Variants in REC8 observed in about 807,000 individuals in gnomAD.
REC8 encodes the protein REC8 meiotic recombination protein, also known as meiotic recombination protein REC8 homolog.
In REC8, 42 loss-of-function variants were observed where a neutral mutation model predicts 78.3. That is an observed-to-expected ratio of 0.54 (90% CI 0.42 to 0.69). The LOEUF (loss-of-function observed/expected upper bound fraction) is 0.69. Ranked by LOEUF, REC8 falls within the 30% of genes least tolerant of loss-of-function variation. The probability of loss-of-function intolerance (pLI) is 0.00; values close to 1 mark genes in which losing one functional copy is unlikely to be tolerated. For missense variants in REC8, 581 were observed against 715.8 expected (o/e 0.81, Z 2.15); for synonymous variants, 268 against 274.1 (o/e 0.98, Z 0.22).
Position 24,178,641 on chromosome 14 carries a change from C to T in REC8, c.1032C>T (p.Gly344=). ...AGCCGCCCGAGAGGACCATCAGAGG[C>T]CCTGCGGAGTTGTTCAGAACCCCAA... ...MVQPPERTIR[G]PAELFRTPTL... is the part of the protein sequence containing the mutation. The change falls in exon 13 of 19, where the codon GGC becomes GGT. Residue 344 remains glycine (G), a synonymous_variant. Transcript: ENST00000611366. The T allele has an allele frequency of 1.2e-6, 2 of 1,614,076 alleles. No homozygotes were observed. The highest frequency in any genetic ancestry group is 1.7e-6 in the Non-Finnish European group (2 of 1,179,998).
intron 5 of REC8, chr14:24,175,264 C>T (rs1351269216): frequency 1.1e-5 from 3 of 272,484 alleles, no homozygotes; most frequent in South Asian, 5.4e-5. Context: ...CCTCAGCCTC[C>T]CAAAGTGCTG....
In REC8 at chr14:24,179,582, C is replaced by T. The variant is rs374156278; in HGVS notation, c.1320-13C>T. On this transcript the variant is annotated splice_polypyrimidine_tract_variant and intron_variant, in intron 16 of 18. Coordinates refer to ENST00000611366, the MANE Select transcript of REC8 (RefSeq NM_001048205.2). The stretch of plus-strand genomic sequence containing the variant: ...ACAGCTGCCACCTTCCCTACTCTCT[C>T]ATGTCCTCCTAGGGCCTGGCCTGAG... The T allele has an allele frequency of 4.3e-6, 7 of 1,614,184 alleles. No homozygotes were observed. The highest frequency in any genetic ancestry group is 5.9e-6 in the Non-Finnish European group (7 of 1,180,030).
chr14:24,178,455 C>T (rs895916783), intron 12 of REC8, 151 bp from the exon 13 acceptor site: 4 of 890,366 alleles, frequency 4.5e-6, no homozygotes, highest in African/African-American at 1.7e-5. Context: ...TTAAAAAGTC[C>T]TTCTTTTAGC....
chr14:24,175,911 C>G lies in REC8; in HGVS notation c.544+287C>G, dbSNP rs185407776. Reference sequence around the variant, plus strand: ...AGAGATGGGGTTTCACCATGTTGGCCAGGCTGGTCTCAAACTCCTGACCTC... The same window carrying G: ...AGAGATGGGGTTTCACCATGTTGGCGAGGCTGGTCTCAAACTCCTGACCTC... On this transcript the variant is annotated intron_variant, in intron 6 of 18. Coordinates refer to ENST00000611366, the MANE Select transcript of REC8 (RefSeq NM_001048205.2). 6.6e-5 allele frequency among the ~76,000 whole-genome samples: 10 copies of G among 152,014 alleles called. No homozygotes were observed. In the East Asian group the frequency reaches 1.9e-3, roughly 29 times the overall value.
intron 11 of REC8, 138 bp downstream of exon 11, chr14:24,177,896 C>T (rs2138791271): frequency 6.8e-7 from 1 of 1,475,242 alleles, no homozygotes; most frequent in South Asian, 1.4e-5. Flanking sequence ...TTCTACGCCC[C>T]ATCGTATCTG....
chr14:24,178,753 T>C (rs757214396), intron 13 of REC8, 24 bp from the exon 14 acceptor site: 2 of 1,609,258 alleles, frequency 1.2e-6, no homozygotes, highest in South Asian at 1.1e-5. Flanking sequence ...TCAAACCCCG[T>C]GCCTACTACC....
chr14:24,173,375 G>A lies in REC8; in HGVS notation c.426G>A (p.Val142=), dbSNP rs1023671142. Residue 142 remains valine (V), a synonymous_variant, in exon 5 of 19, where the codon GTG becomes GTA. Transcript: ENST00000611366. ...ATCCCTTTTTTGGGATGATGTCTGT[G>A]GATCCCAGACTTCCTAGTCCTTTCG... ...APDPFFGMMS[V]DPRLPSPFDI... is the part of the protein sequence containing the mutation. 3 of 1,614,054 alleles carry A rather than the reference G, an allele frequency of 1.9e-6. No homozygotes were observed. Among genetic ancestry groups the A allele is most frequent in the African/African-American group, 2.7e-5 (2 of 74,916 alleles).
Position 24,172,913 on chromosome 14 carries a change from A to G in REC8, c.140A>G (p.Asn47Ser), listed in dbSNP as rs773083264. Residue 47 changes from asparagine (N) to serine (S), a missense_variant, in exon 3 of 19, where the codon AAT (asparagine) becomes AGT (serine). By Grantham distance (46) the Asn-to-Ser change is conservative. Coordinates refer to ENST00000611366, the MANE Select transcript of REC8 (RefSeq NM_001048205.2). ...NVVKTCEEIL[N>S]YVLVRVQPPQ... Reference sequence around the variant, plus strand: ...TTGTTCCCCAGCGAGGAAATCCTCAATTACGTGCTGGTACGAGTGCAACCC... The same window carrying G: ...TTGTTCCCCAGCGAGGAAATCCTCAGTTACGTGCTGGTACGAGTGCAACCC... The G allele has an allele frequency of 1.9e-5, 30 of 1,612,478 alleles. No homozygotes were observed. Among genetic ancestry groups the G allele is most frequent in the Non-Finnish European group, 2.5e-5 (29 of 1,180,032 alleles).
Position 24,179,466 on chromosome 14 carries a change from A to G in REC8, c.1319+3A>G, listed in dbSNP as rs1295154136. The stretch of plus-strand genomic sequence containing the variant: ...CTCATCCCACCAGAAGAACGGTGGT[A>G]AGCGGCCAGGCTCCGTGGGAGCCAG... On this transcript the variant is annotated splice_donor_region_variant and intron_variant, in intron 16 of 18. Transcript: ENST00000611366. 1 of 1,614,146 alleles carries G rather than the reference A, an allele frequency of 6.2e-7. No homozygotes were observed. Among genetic ancestry groups the G allele is most frequent in the Non-Finnish European group, 8.5e-7 (1 of 1,180,018 alleles).
At chr14:24,175,029 CAG>C (rs2038828899) in intron 5 of REC8, among the ~76,000 whole-genome samples, 1 of 141,230 alleles carries the variant, frequency 7.1e-6, no homozygotes, top group East Asian at 2.1e-4. Context: ...TTTTTTGAGA[CAG>C]AGTCTTGCTC....
chr14:24,177,055 G>T (rs1594418441), intron 7 of REC8, 86 bp from the exon 8 acceptor site: 3 of 1,420,838 alleles, frequency 2.1e-6, no homozygotes, highest in South Asian at 1.2e-5. Context: ...CCTGTGGCAT[G>T]CCTCTGGGAT....
chr14:24,178,144 G>C lies in REC8; in HGVS notation c.918G>C (p.Leu306=). ...GCCGCCGCCGTCGTCGCCGGTTACTGTTCTGGGACAAGGAGACTCAGATCT... is the reference window on the plus strand; with the variant it reads ...GCCGCCGCCGTCGTCGCCGGTTACTCTTCTGGGACAAGGAGACTCAGATCT... ...PPRRRRRRRL[L]FWDKETQISP... is the part of the protein sequence containing the mutation. The change falls in exon 12 of 19, where the codon CTG becomes CTC. Residue 306 remains leucine (L), a synonymous_variant. Transcript: ENST00000611366. The C allele has an allele frequency of 6.2e-7, 1 of 1,614,068 alleles. No homozygotes were observed. The highest frequency in any genetic ancestry group is 8.5e-7 in the Non-Finnish European group (1 of 1,179,960).
rs140077849 is a variant in REC8 at position 24,177,778 on chromosome 14, ATCC to A, written c.864+35_864+37del. On this transcript the variant is annotated intron_variant, in intron 11 of 18. Transcript: ENST00000611366. ...CCAGAGGTGAGTAGCCTCCCTTCTA[ATCC>A]TCCTCCTCCTCCTCTTTGCCCTCCC... 6.5e-3 allele frequency: 10,218 copies of A among 1,562,114 alleles called. 42 individuals are homozygous for A. The highest frequency in any genetic ancestry group is 7.6e-3 in the Non-Finnish European group (8,734 of 1,150,346).
chr14:24,173,284 C>T lies in REC8; in HGVS notation c.342-7C>T, dbSNP rs1307342529. On this transcript the variant is annotated splice_polypyrimidine_tract_variant and splice_region_variant and intron_variant, in intron 4 of 18. Transcript: ENST00000611366. Reference sequence around the variant, plus strand: ...CTCAGTCCTTCACGGCCTACATTCTCTCCCAGACCCAGCCTGCTGCTTCCT... The same window carrying T: ...CTCAGTCCTTCACGGCCTACATTCTTTCCCAGACCCAGCCTGCTGCTTCCT... The T allele has an allele frequency of 6.2e-7, 1 of 1,614,110 alleles. No individual in the cohort carries two copies. The highest frequency in any genetic ancestry group is 1.3e-5 in the African/African-American group (1 of 74,950).
intron 18 of REC8, 42 bp from the exon 19 acceptor site, chr14:24,179,968 C>T: frequency 6.2e-7 from 1 of 1,614,140 alleles, no homozygotes; most frequent in Non-Finnish European, 8.5e-7. Context: ...GAGGCCCGTA[C>T]AGGGACTCCC....
In REC8 at chr14:24,177,147, C is replaced by G. The variant is rs369656552; in HGVS notation, c.631C>G (p.Arg211Gly). 2 of 1,613,678 alleles carry G rather than the reference C, an allele frequency of 1.2e-6. No individual in the cohort carries two copies. The highest frequency in any genetic ancestry group is 8.5e-7 in the Non-Finnish European group (1 of 1,179,774). Residue 211 changes from arginine (R) to glycine (G), a missense_variant, in exon 8 of 19, where the codon CGG (arginine) becomes GGG (glycine). Transcript: ENST00000611366. ...GCTCTTCCTCTCTGGACAGGGTGAACGGGAGCTCCCAGAGGTCAGCCGCCG... is the reference window on the plus strand; with the variant it reads ...GCTCTTCCTCTCTGGACAGGGTGAAGGGGAGCTCCCAGAGGTCAGCCGCCG... ...PIRMLEIEGE[R>G]ELPEVSRREL...
At chr14:24,177,792 C>T (rs2038967853) in intron 11 of REC8, 34 bp downstream of exon 11, 1 of 1,533,556 alleles carries the variant, frequency 6.5e-7, no homozygotes, top group Non-Finnish European at 8.8e-7. Flanking sequence ...TCCTCCTCCT[C>T]CTCTTTGCCC....
At chr14:24,179,199 C>T (rs2039049506) in intron 15 of REC8, 66 bp downstream of exon 15, 2 of 1,399,040 alleles carry the variant, frequency 1.4e-6, no homozygotes, top group African/African-American at 1.4e-5. Flanking sequence ...AACTAGTATC[C>T]CAACTGCTGA....
At chr14:24,176,586 C>CA (rs1810068875) in intron 6 of REC8, among the ~76,000 whole-genome samples, 1 of 152,028 alleles carries the variant, frequency 6.6e-6, no homozygotes, top group East Asian at 1.9e-4. Context: ...TCAAGCGATC[C>CA]AAAGTGTTGG....
Sources: allele counts gnomAD v4.1 joint callset (sites outside exome capture counted in the v4.1 genomes callset), GRCh38; gene constraint gnomAD v4.1.1; transcripts MANE v1.5; gene names NCBI Gene and HGNC (gene_info 2026-07-23, HGNC 2026-07-21).